NLRP8: variants seen among roughly 807,000 people sequenced by gnomAD.
NLRP8 encodes NACHT, LRR and PYD domains-containing protein 8.
A neutral mutation model predicts 88.7 loss-of-function variants in NLRP8; 86 were observed. The ratio of observed to expected loss-of-function variants is 0.97; its 90% confidence interval spans 0.81 to 1.16. The LOEUF (loss-of-function observed/expected upper bound fraction) is 1.16. Among genes scored for constraint, NLRP8 ranks in the 50% most tolerant of loss-of-function variants. The pLI is 0.00. For synonymous variants in NLRP8, 504 were observed against 494.6 expected (o/e 1.02, Z -0.25); for missense variants, 1,342 against 1,286.5 (o/e 1.04, Z -0.66).
chr19:55,981,908 TG>T (rs1420891774), intron 9 of NLRP8, among the ~76,000 whole-genome samples: 8 of 11,834 alleles, frequency 6.8e-4, no homozygotes, highest in African/African-American at 1.8e-3. Flanking sequence ...TCTTGTTTTT[TG>T]TTTTTTTTTT....
intron 3 of NLRP8, among the ~76,000 whole-genome samples, chr19:55,957,004 G>T (rs1979385669): frequency 1.3e-5 from 2 of 151,974 alleles, no homozygotes; most frequent in South Asian, 4.2e-4. Flanking sequence ...TGTTACCCAG[G>T]CTAATCTTCA....
At position 55,955,266 on chromosome 19, in the gene NLRP8, G is replaced by C. The variant is rs1241942061; in HGVS notation, c.1208G>C (p.Cys403Ser). 6 of 1,614,158 alleles carry C rather than the reference G, an allele frequency of 3.7e-6. No homozygotes were observed. The highest frequency in any genetic ancestry group is 5.1e-6 in the Non-Finnish European group (6 of 1,180,032). Residue 403 changes from cysteine (C) to serine (S), a missense_variant, in exon 3 of 10, where the codon TGC becomes TCC. Cys to Ser is a moderately radical substitution (Grantham distance 112). Coordinates refer to ENST00000291971, the MANE Select transcript of NLRP8 (RefSeq NM_176811.2). Reference sequence around the variant, plus strand: ...GTCCCTGTGGTTTGCTGGATGGTCTGCTCTGGTCTGAAACAGCAAATGGAG... The same window carrying C: ...GTCCCTGTGGTTTGCTGGATGGTCTCCTCTGGTCTGAAACAGCAAATGGAG...
At chr19:55,966,691 C>T (rs1274916139) in intron 5 of NLRP8, among the ~76,000 whole-genome samples, 1 of 152,076 alleles carries the variant, frequency 6.6e-6, no homozygotes, top group Non-Finnish European at 1.5e-5. Context: ...TAATTACGGG[C>T]TGTAATCTCA....
intron 1 of NLRP8, among the ~76,000 whole-genome samples, chr19:55,952,232 G>A (rs1979127040): frequency 6.6e-6 from 1 of 152,182 alleles, no homozygotes; most frequent in Non-Finnish European, 1.5e-5. Context: ...ACATACACTT[G>A]TGTGTGTAAG....
chr19:55,947,998 C>A lies in NLRP8; in HGVS notation c.96C>A (p.Tyr32Ter). 6.2e-7 allele frequency: 1 copy of A among 1,614,074 alleles called. No homozygotes were observed. The highest frequency in any genetic ancestry group is 8.5e-7 in the Non-Finnish European group (1 of 1,180,018). Residue 32 changes from tyrosine to a stop codon, truncating the protein, a stop_gained, in exon 1 of 10, where the codon TAC (tyrosine) becomes TAA (stop). Transcript: ENST00000291971. LOFTEE classifies it high-confidence loss of function. ...TTCCGCCCTGGACATTCTCTTGCTA[C>A]CCCGGCTCCCCATGTGAAAATGGGG...
In NLRP8 at chr19:55,955,159, G is replaced by A. The variant is rs1979281661; in HGVS notation, c.1101G>A (p.Gln367=). ...CGATGGAAAAAATCAAGTATTTCCA[G>A]ATGTATTTTGGACACACAGAGGAGG... Residue 367 remains glutamine, a synonymous_variant, in exon 3 of 10, where the codon CAG becomes CAA. Transcript: ENST00000291971. 6.2e-7 allele frequency: 1 copy of A among 1,613,902 alleles called. No individual in the cohort carries two copies. Among genetic ancestry groups the A allele is most frequent in the African/African-American group, 1.3e-5 (1 of 74,918 alleles).
chr19:55,977,394 G>C (rs1213102544), intron 8 of NLRP8, among the ~76,000 whole-genome samples: 1 of 136,696 alleles, frequency 7.3e-6, no homozygotes, highest in East Asian at 2.0e-4. Flanking sequence ...AAATAAATAC[G>C]AATATATTAT....
chr19:55,954,762 A>G lies in NLRP8; in HGVS notation c.704A>G (p.His235Arg), dbSNP rs1979255028. Residue 235 changes from histidine to arginine, a missense_variant, in exon 3 of 10, where the codon CAC (histidine) becomes CGC (arginine). Coordinates refer to ENST00000291971, the MANE Select transcript of NLRP8 (RefSeq NM_176811.2). ...TGGGCCAGAAACAAGTTCTACGCCC[A>G]CAAGCGCTGGTGTGCTTTCTACTTC... 2.5e-6 allele frequency: 4 copies of G among 1,614,234 alleles called. No homozygotes were observed. The highest frequency in any genetic ancestry group is 1.1e-5 in the South Asian group (1 of 91,084).
intron 8 of NLRP8, among the ~76,000 whole-genome samples, chr19:55,977,283 C>CAT (rs1568468502): frequency 6.9e-6 from 1 of 144,248 alleles, no homozygotes; most frequent in East Asian, 2.0e-4. Context: ...TGTACAGACA[C>CAT]ATATATACTT....
chr19:55,973,781 G>A lies in NLRP8; in HGVS notation c.2664G>A (p.Trp888Ter). The change falls in exon 7 of 10, where the codon TGG becomes TGA. Residue 888 changes from tryptophan to a stop codon, truncating the protein, a stop_gained. Transcript: ENST00000291971. LOFTEE classifies it high-confidence loss of function. Reference sequence around the variant, plus strand: ...AAGATGAAGGGGCCAAGCATATTTGGAATGCCCTGCCACACCTGAGATGTC... The same window carrying A: ...AAGATGAAGGGGCCAAGCATATTTGAAATGCCCTGCCACACCTGAGATGTC... 1 of 1,614,004 alleles carries A rather than the reference G, an allele frequency of 6.2e-7. No homozygotes were observed. Among genetic ancestry groups the A allele is most frequent in the South Asian group, 1.1e-5 (1 of 90,996 alleles).
chr19:55,948,176 T>G lies in NLRP8; in HGVS notation c.274T>G (p.Phe92Val). 1 of 1,614,122 alleles carries G rather than the reference T, an allele frequency of 6.2e-7. No individual in the cohort carries two copies. The highest frequency in any genetic ancestry group is 1.1e-5 in the South Asian group (1 of 91,086). The stretch of plus-strand genomic sequence containing the variant: ...GGTGGTTCATCTCTTGATAGAGCGT[T>G]TCCCTGGACGACGCGCTTGGGATGT... The change falls in exon 1 of 10, where the codon TTC becomes GTC. Residue 92 changes from phenylalanine to valine, a missense_variant. Coordinates refer to ENST00000291971, the MANE Select transcript of NLRP8 (RefSeq NM_176811.2).
intron 3 of NLRP8, 36 bp from the exon 4 acceptor site, chr19:55,962,031 C>G: frequency 6.3e-7 from 1 of 1,599,236 alleles, no homozygotes; most frequent in Non-Finnish European, 8.5e-7. Context: ...TCCAGTTTAA[C>G]GAAGAGGTGT....
chr19:55,964,715 G>A (rs1979762717), intron 4 of NLRP8, among the ~76,000 whole-genome samples: 1 of 149,838 alleles, frequency 6.7e-6, no homozygotes, highest in African/African-American at 2.5e-5. Context: ...TTGCGCCACT[G>A]CACTCCAGCC....
intron 2 of NLRP8, among the ~76,000 whole-genome samples, chr19:55,952,862 G>A (rs1386865884): frequency 7.9e-5 from 12 of 152,040 alleles, no homozygotes; most frequent in Non-Finnish European, 1.8e-4. Context: ...GGAGGCGGAG[G>A]GTTGCAGTGA....
At chr19:55,972,807 GTA>G (rs1555756869) in intron 6 of NLRP8, among the ~76,000 whole-genome samples, 10,668 of 66,148 alleles carry the variant, frequency 0.16, 1,151 homozygotes, top group African/African-American at 0.44. Context: ...GTGTGTGTGT[GTA>G]TGTGTGTGTG....
intron 4 of NLRP8, among the ~76,000 whole-genome samples, chr19:55,964,127 C>T (rs575686597): frequency 6.6e-6 from 1 of 152,330 alleles, no homozygotes; most frequent in African/African-American, 2.4e-5. Flanking sequence ...ACCACTGGCC[C>T]CTTCCTTGAA....
Position 55,970,555 on chromosome 19 carries a change from G to A in NLRP8, c.2393G>A (p.Cys798Tyr), listed in dbSNP as rs1257360671. The A allele has an allele frequency of 1.1e-5, 17 of 1,613,996 alleles. No individual in the cohort carries two copies. The highest frequency in any genetic ancestry group is 1.4e-5 in the Non-Finnish European group (16 of 1,180,024). Residue 798 changes from cysteine (C) to tyrosine (Y), a missense_variant, in exon 6 of 10, where the codon TGC becomes TAC. By Grantham distance (194) the Cys-to-Tyr change is radical (BLOSUM62 -2). Transcript: ENST00000291971. ...TCTGGCTTCTACAGGTTGGAAGACTGCTTGGCCACCCCTAGAATTTGGACT... is the reference window on the plus strand; with the variant it reads ...TCTGGCTTCTACAGGTTGGAAGACTACTTGGCCACCCCTAGAATTTGGACT...
At position 55,988,345 on chromosome 19, in the gene NLRP8, A is replaced by G. The variant is rs183427632; in HGVS notation, c.*432A>G. 2.7e-4 allele frequency: 43 copies of G among 156,392 alleles called. No homozygotes were observed. The highest frequency in any genetic ancestry group is 2.6e-3 in the Admixed American group (42 of 15,924). The allele number at this position is 156,392 out of a possible 1,614,324, so 9.7% of individuals were successfully genotyped here. ...AGGAGGCAGAGTTTGCAGTGAGCTG[A>G]GATCACGCCATTGCACTCCAGCCTG... On this transcript the variant is annotated 3_prime_UTR_variant, in exon 10 of 10. Coordinates refer to ENST00000291971, the MANE Select transcript of NLRP8 (RefSeq NM_176811.2).
intron 7 of NLRP8, among the ~76,000 whole-genome samples, chr19:55,974,371 G>T (rs1015134811): frequency 2.0e-5 from 3 of 152,122 alleles, no homozygotes; most frequent in African/African-American, 7.2e-5. Flanking sequence ...TTGTGTGTCT[G>T]TTCCCATACA....
Sources: allele counts gnomAD v4.1 joint callset (sites outside exome capture counted in the v4.1 genomes callset), GRCh38; gene constraint gnomAD v4.1.1; transcripts MANE v1.5; gene names NCBI Gene and HGNC (gene_info 2026-07-23, HGNC 2026-07-21).